The following LNX1 variants were observed in gnomAD, a reference collection of about 807,000 sequenced individuals.
The protein encoded by LNX1 is E3 ubiquitin-protein ligase LNX.
Under a neutral mutation model 68.4 loss-of-function variants are expected in LNX1, and 54 were observed. The observed-to-expected ratio is 0.79, with a 90% CI of 0.63 to 0.99. The LOEUF is 0.99. Ranked by LOEUF, LNX1 falls within the 50% of genes least tolerant of loss-of-function variation. The pLI is 0.00. For synonymous variants in LNX1, 336 were observed against 350.0 expected (o/e 0.96, Z 0.45); for missense variants, 906 against 926.4 (o/e 0.98, Z 0.29).
At chr4:53,596,713 T>G (rs917186002) in intron 2 of LNX1, among the ~76,000 whole-genome samples, 10 of 152,140 alleles carry the variant, frequency 6.6e-5, no homozygotes, top group African/African-American at 2.4e-4. Context: ...TCTCTTCTCC[T>G]TGTTAACTTT....
chr4:53,512,647 T>C (rs945626901), intron 2 of LNX1, among the ~76,000 whole-genome samples: 4 of 152,098 alleles, frequency 2.6e-5, no homozygotes, highest in African/African-American at 9.7e-5. Context: ...AGAGCACTAA[T>C]GGCTGGCCCA....
At chr4:53,523,775 A>C (rs926234130) in intron 2 of LNX1, among the ~76,000 whole-genome samples, 1 of 152,170 alleles carries the variant, frequency 6.6e-6, no homozygotes, top group African/African-American at 2.4e-5. Flanking sequence ...GTAGTTTTAG[A>C]CTTGAAACAA....
intron 1 of LNX1, among the ~76,000 whole-genome samples, chr4:53,584,008 C>T (rs192918549): frequency 3.3e-5 from 5 of 152,184 alleles, no homozygotes; most frequent in South Asian, 2.1e-4. Context: ...TGCATTGATT[C>T]GGAGCTCTGT....
intron 1 of LNX1, among the ~76,000 whole-genome samples, chr4:53,584,728 A>G (rs1732059309): frequency 6.6e-6 from 1 of 152,156 alleles, no homozygotes; most frequent in South Asian, 2.1e-4. Context: ...CGGTTAAGGA[A>G]CTTAGATTTT....
intron 2 of LNX1, among the ~76,000 whole-genome samples, chr4:53,554,104 C>T (rs1230944733): frequency 1.3e-5 from 2 of 152,196 alleles, no homozygotes; most frequent in Admixed American, 1.3e-4. Flanking sequence ...TAGGTGGAGA[C>T]TGTTAGGGAG....
At chr4:53,597,228 G>A (rs1454336304) in intron 2 of LNX1, among the ~76,000 whole-genome samples, 1 of 152,154 alleles carries the variant, frequency 6.6e-6, no homozygotes, top group African/African-American at 2.4e-5. Context: ...TGATATTCCT[G>A]ATCAGTCCCT....
At chr4:53,541,156 A>T (rs988138626) in intron 2 of LNX1, among the ~76,000 whole-genome samples, 7 of 151,824 alleles carry the variant, frequency 4.6e-5, no homozygotes, top group Non-Finnish European at 8.8e-5. Flanking sequence ...AGAAAAAAAA[A>T]AAAGAAAGAA....
intron 9 of LNX1, among the ~76,000 whole-genome samples, chr4:53,468,345 C>A: frequency 6.6e-6 from 1 of 152,254 alleles, no homozygotes; most frequent in South Asian, 2.1e-4. Flanking sequence ...GGAGGAAGCA[C>A]TAAATATGGA....
At chr4:53,568,736 A>T in intron 2 of LNX1, among the ~76,000 whole-genome samples, 1 of 151,800 alleles carries the variant, frequency 6.6e-6, no homozygotes, top group African/African-American at 2.4e-5. Context: ...CTGTTTGCAG[A>T]TGACATGATT....
At chr4:53,566,701 G>C (rs1362236404) in intron 2 of LNX1, among the ~76,000 whole-genome samples, 2 of 151,916 alleles carry the variant, frequency 1.3e-5, no homozygotes, top group Admixed American at 6.5e-5. Flanking sequence ...GACACAGACT[G>C]GCAAATTGGA....
At chr4:53,642,953 G>A (rs76712257) in intron 1 of LNX1, among the ~76,000 whole-genome samples, 17,393 of 152,138 alleles carry the variant, frequency 0.11, 1,155 homozygotes, top group Non-Finnish European at 0.16. Flanking sequence ...TTCTCTGTGT[G>A]GGGTGATTTT....
intron 1 of LNX1, chr4:53,576,514 T>C: frequency 9.0e-7 from 1 of 1,116,964 alleles, no homozygotes; most frequent in Non-Finnish European, 1.2e-6. Flanking sequence ...TCCAGGTGCT[T>C]TTGTAGATCT....
chr4:53,643,097 A>G (rs765082446), intron 1 of LNX1, among the ~76,000 whole-genome samples: 1 of 152,150 alleles, frequency 6.6e-6, no homozygotes, highest in African/African-American at 2.4e-5. Context: ...GCTGCCCACA[A>G]TAAAGAATTA....
At chr4:53,507,148 CT>C (rs1000047807) in intron 4 of LNX1, among the ~76,000 whole-genome samples, 168 bp downstream of exon 4, 14 of 152,170 alleles carry the variant, frequency 9.2e-5, no homozygotes, top group Admixed American at 8.5e-4. Flanking sequence ...ATAATACTTT[CT>C]GCCTTTAGCT....
intron 1 of LNX1, among the ~76,000 whole-genome samples, chr4:53,636,258 C>T (rs529461594): frequency 1.4e-5 from 2 of 140,738 alleles, no homozygotes; most frequent in South Asian, 2.2e-4. Context: ...ATGCTTGCCT[C>T]GGTCGAGCAA....
chr4:53,502,200 G>A (rs1391927440), intron 4 of LNX1, among the ~76,000 whole-genome samples: 1 of 152,198 alleles, frequency 6.6e-6, no homozygotes, highest in Non-Finnish European at 1.5e-5. Flanking sequence ...CCAACACACA[G>A]TCAGCATCCC....
chr4:53,472,589 T>A (rs1296412392), intron 9 of LNX1, among the ~76,000 whole-genome samples: 1 of 151,780 alleles, frequency 6.6e-6, no homozygotes, highest in Non-Finnish European at 1.5e-5. Flanking sequence ...TGGAAATTTT[T>A]ATTTTATTTT....
At chr4:53,627,773 A>G (rs1184507800) in intron 1 of LNX1, among the ~76,000 whole-genome samples, 3 of 152,164 alleles carry the variant, frequency 2.0e-5, no homozygotes, top group Non-Finnish European at 2.9e-5. Context: ...CTAACCCTCT[A>G]TTGACTTTAC....
intron 2 of LNX1, among the ~76,000 whole-genome samples, chr4:53,563,374 C>T (rs1730414485): frequency 1.3e-5 from 2 of 152,100 alleles, no homozygotes; most frequent in Admixed American, 1.3e-4. Context: ...TAAACACTTG[C>T]CTGTTAGTTT....
Sources: gnomAD v4.1 joint callset for allele counts (sites outside exome capture counted in the v4.1 genomes callset) on GRCh38, gnomAD v4.1.1 for gene constraint, MANE v1.5 for transcripts, NCBI Gene and HGNC (gene_info 2026-07-23, HGNC 2026-07-21) for gene names.